Variants in APLP2 observed in about 807,000 individuals in gnomAD.
APLP2 encodes amyloid beta precursor like protein 2.
In APLP2, 53 loss-of-function variants were observed where a neutral mutation model predicts 89.9. That is an observed-to-expected ratio of 0.59 (90% CI 0.47 to 0.74). APLP2 has a LOEUF of 0.74. Among genes scored for constraint, APLP2 ranks in the 30% least tolerant of loss-of-function variants. The probability of loss-of-function intolerance (pLI) is 0.00; values close to 1 mark genes in which losing one functional copy is unlikely to be tolerated. For missense variants in APLP2, 973 were observed against 975.9 expected (o/e 1.00, Z 0.04); for synonymous variants, 372 against 348.6 (o/e 1.07, Z -0.75).
intron 1 of APLP2, among the ~76,000 whole-genome samples, chr11:130,091,886 G>T (rs1321243488): frequency 2.1e-3 from 288 of 140,452 alleles, no homozygotes; most frequent in African/African-American, 8.3e-3. Flanking sequence ...CTTCCCAGAT[G>T]GGGTGGCTGC....
chr11:130,093,968 A>G (rs886125924), intron 1 of APLP2, among the ~76,000 whole-genome samples: 2 of 149,226 alleles, frequency 1.3e-5, no homozygotes, highest in African/African-American at 5.0e-5. Flanking sequence ...GATGATCTTG[A>G]TCTCCTGACC....
chr11:130,123,761 G>T lies in APLP2; in HGVS notation c.1072G>T (p.Ala358Ser), dbSNP rs916924531. The T allele has an allele frequency of 1.2e-6, 2 of 1,614,116 alleles. No individual in the cohort carries two copies. Among genetic ancestry groups the T allele is most frequent in the African/African-American group, 1.3e-5 (1 of 74,942 alleles). ...NNFESEDYCMAVCKAMIPPTP... is the reference protein window; with the variant it reads ...NNFESEDYCMSVCKAMIPPTP... ...TTTTGAGTCTGAGGATTATTGTATGGCTGTGTGTAAAGCGATGAGTAAGTC... is the reference window on the plus strand; with the variant it reads ...TTTTGAGTCTGAGGATTATTGTATGTCTGTGTGTAAAGCGATGAGTAAGTC... Residue 358 changes from alanine (A) to serine (S), a missense_variant, in exon 7 of 17, where the codon GCT (alanine) becomes TCT (serine). Transcript: ENST00000338167. This position sits in a 1 kb window ranked among gnomAD's most constrained non-coding sequence, Gnocchi z 4.0.
intron 11 of APLP2, among the ~76,000 whole-genome samples, chr11:130,133,055 A>T (rs1450562618): frequency 1.3e-5 from 2 of 150,824 alleles, no homozygotes; most frequent in Non-Finnish European, 2.9e-5. Context: ...GGCCATTTTT[A>T]AATAAATTGT....
rs138574573 is a variant in APLP2 at position 130,109,514 on chromosome 11, A to G, written c.191A>G (p.Asn64Ser). 4.3e-6 allele frequency: 7 copies of G among 1,613,888 alleles called. No homozygotes were observed. The African/African-American group carries it at 9.3e-5, about 22-fold the overall frequency. ...TGTGGGAAGTTAAATATGCATGTGA[A>G]CATTCAGACTGGGAAATGGGAACCT... The part of the protein sequence containing the change: ...MFCGKLNMHV[N>S]IQTGKWEPDP... The change falls in exon 2 of 17, where the codon AAC (asparagine) becomes AGC (serine). Residue 64 changes from asparagine (N) to serine (S), a missense_variant. Asn to Ser is a conservative substitution (Grantham distance 46, BLOSUM62 1). Transcript: ENST00000338167.
rs763528210 is a variant in APLP2 at position 130,123,323 on chromosome 11, C to T, written c.923-289C>T. On this transcript the variant is annotated intron_variant, in intron 6 of 16. Coordinates refer to ENST00000338167, the MANE Select transcript of APLP2 (RefSeq NM_001142276.2). This position sits in a 1 kb window ranked among gnomAD's most constrained non-coding sequence, Gnocchi z 4.0. The stretch of plus-strand genomic sequence containing the variant: ...GAACAGATCAGAAATGTGAGGCTCT[C>T]GCAGCTGTGAGACAAAGGAATTGCT... 1.8e-4 allele frequency among the ~76,000 whole-genome samples: 28 copies of T among 152,210 alleles called. No homozygotes were observed. The highest frequency in any genetic ancestry group is 3.3e-4 in the Admixed American group (5 of 15,286).
intron 13 of APLP2, among the ~76,000 whole-genome samples, chr11:130,138,020 A>G (rs1342586749): frequency 6.6e-6 from 1 of 152,206 alleles, no homozygotes; most frequent in East Asian, 1.9e-4. Flanking sequence ...GACTTGCTCT[A>G]AGAAGTGGAG....
At chr11:130,104,010 T>C (rs932333222) in intron 1 of APLP2, among the ~76,000 whole-genome samples, 2 of 152,102 alleles carry the variant, frequency 1.3e-5, no homozygotes, top group Non-Finnish European at 2.9e-5. Context: ...CTTCTTGGAT[T>C]TTCTTCATTT....
chr11:130,095,742 C>T (rs1381895807), intron 1 of APLP2, among the ~76,000 whole-genome samples: 2 of 152,198 alleles, frequency 1.3e-5, no homozygotes, highest in Non-Finnish European at 2.9e-5. Context: ...AATTTGTCAA[C>T]TTTTAGTAGG....
rs866378927 is a variant in APLP2, at chr11:130,090,975, G to A, written c.106-18454G>A. On this transcript the variant is annotated intron_variant, in intron 1 of 16. Coordinates refer to ENST00000338167, the MANE Select transcript of APLP2 (RefSeq NM_001142276.2). ...CCCCCACCTCCCTCCCGGACGGGGC[G>A]GCTGGCCGGGCGGGGGGCCGACCCC... Among the ~76,000 whole-genome samples the A allele has an allele frequency of 4.0e-5, 6 of 149,550 alleles. No homozygotes were observed. The South Asian group carries it at 1.3e-3, about 31-fold the overall frequency.
chr11:130,140,301 G>T, intron 13 of APLP2, 97 bp from the exon 14 acceptor site: 1 of 847,852 alleles, frequency 1.2e-6, no homozygotes, highest in Non-Finnish European at 1.8e-6. Context: ...GCGTGTTGAG[G>T]GGCTCACTGG....
chr11:130,086,636 AAG>A (rs1944165916), intron 1 of APLP2, among the ~76,000 whole-genome samples: 1 of 152,170 alleles, frequency 6.6e-6, no homozygotes, highest in Admixed American at 6.5e-5. Context: ...CTTCTAAGCT[AAG>A]AGTTTTATAG....
Position 130,127,896 on chromosome 11 carries a change from C to A in APLP2, c.1296+56C>A. On this transcript the variant is annotated intron_variant, in intron 9 of 16. Transcript: ENST00000338167. ...CAGCCTGACCATTGGAAAATACGGT[C>A]AGAGCCCCATTCCCAACGAAATTAG... 2.0e-6 allele frequency: 3 copies of A among 1,500,628 alleles called. No homozygotes were observed. The South Asian group carries it at 3.5e-5, about 17-fold the overall frequency. 93.0% of individuals were successfully genotyped at this position (1,500,628 alleles called of 1,614,324 possible). A position where few individuals can be genotyped will look rare whatever the true frequency, so the allele number is the denominator to read the frequency against.
chr11:130,122,674 C>T (rs547269010), intron 6 of APLP2, among the ~76,000 whole-genome samples, 161 bp downstream of exon 6: 1 of 152,240 alleles, frequency 6.6e-6, no homozygotes, highest in South Asian at 2.1e-4. Context: ...GGGATGGTGC[C>T]GTCTTAACAA....
Position 130,140,429 on chromosome 11 carries a change from G to T in APLP2, c.1869G>T (p.Leu623=). 1 of 1,611,584 alleles carries T rather than the reference G, an allele frequency of 6.2e-7. No homozygotes were observed. The highest frequency in any genetic ancestry group is 8.5e-7 in the Non-Finnish European group (1 of 1,179,072). ...GAGTGGGAGAGCAGGATGGGGGACT[G>T]ATCGGTGCCGAAGAGAAAGTGATTA... is the stretch of plus-strand genomic sequence containing the variant. ...GSGVGEQDGG[L]IGAEEKVINS... Residue 623 remains leucine, a synonymous_variant, in exon 14 of 17, where the codon CTG becomes CTT. Transcript: ENST00000338167.
chr11:130,115,975 G>T (rs2135877963), intron 3 of APLP2, among the ~76,000 whole-genome samples: 1 of 152,238 alleles, frequency 6.6e-6, no homozygotes. Flanking sequence ...ACATTTTGGG[G>T]TATAGATGAA....
In APLP2 at chr11:130,143,555, C is replaced by A; in HGVS notation, c.*107C>A. On this transcript the variant is annotated 3_prime_UTR_variant, in exon 17 of 17. Transcript: ENST00000338167. ...AGCCGCTGCCAGGGGCTGCGTCTGACATCCTGACCTCCTGGACTGTAGGAC... is the reference window on the plus strand; with the variant it reads ...AGCCGCTGCCAGGGGCTGCGTCTGAAATCCTGACCTCCTGGACTGTAGGAC... 1.1e-6 allele frequency: 1 copy of A among 877,190 alleles called. No homozygotes were observed. Among genetic ancestry groups the A allele is most frequent in the Non-Finnish European group, 1.9e-6 (1 of 527,972 alleles). The allele number at this position is 877,190 out of a possible 1,614,324, so 54.3% of individuals were successfully genotyped here. A position where few individuals can be genotyped will look rare whatever the true frequency, so the allele number is the denominator to read the frequency against.
At chr11:130,070,151 C>T in intron 1 of APLP2, 69 bp downstream of exon 1, 3 of 1,100,840 alleles carry the variant, frequency 2.7e-6, no homozygotes, top group Middle Eastern at 3.5e-4. Flanking sequence ...TGCGGGCGGG[C>T]AGCGGGGTCC....
chr11:130,120,921 C>T (rs1949738079), intron 4 of APLP2, 103 bp downstream of exon 4: 1 of 780,130 alleles, frequency 1.3e-6, no homozygotes, highest in South Asian at 1.5e-5. Flanking sequence ...TTATGTTTCC[C>T]CCATTATCTC....
At chr11:130,126,913 C>T (rs942641092) in intron 8 of APLP2, 83 bp downstream of exon 8, 8 of 1,574,022 alleles carry the variant, frequency 5.1e-6, no homozygotes, top group East Asian at 2.3e-5. Context: ...GTAATAGCTT[C>T]TCCCTAGATT....
Sources: allele counts gnomAD v4.1 joint callset (sites outside exome capture counted in the v4.1 genomes callset), GRCh38; gene constraint gnomAD v4.1.1; non-coding constraint Gnocchi (gnomAD v3.1); transcripts MANE v1.5; gene names NCBI Gene and HGNC (gene_info 2026-07-23, HGNC 2026-07-21).